TRIM67: variants seen among roughly 807,000 people sequenced by gnomAD.
TRIM67 encodes the protein tripartite motif containing 67.
A neutral mutation model predicts 71.0 loss-of-function variants in TRIM67; 39 were observed. That is an observed-to-expected ratio of 0.55 (90% CI 0.43 to 0.72). The LOEUF (loss-of-function observed/expected upper bound fraction) is 0.72. Among genes scored for constraint, TRIM67 ranks in the 30% least tolerant of loss-of-function variants. The pLI is 0.00. For synonymous variants in TRIM67, 481 were observed against 473.9 expected (o/e 1.01, Z -0.19); for missense variants, 973 against 1,079.2 (o/e 0.90, Z 1.38).
At position 231,209,228 on chromosome 1, in the gene TRIM67, C is replaced by A; in HGVS notation, c.2101C>A (p.His701Asn). The change falls in exon 8 of 10, where the codon CAC becomes AAC. Residue 701 changes from histidine to asparagine, a missense_variant. His to Asn is a moderately conservative substitution (Grantham distance 68). Coordinates refer to ENST00000366653, the MANE Select transcript of TRIM67 (RefSeq NM_001004342.5). This position sits in a 1 kb window ranked among gnomAD's most constrained non-coding sequence, Gnocchi z 4.1. ...GGACAACAACCGCAGCTGGTTCATG[C>A]ACTGCAACTCCCACACCAACAGGTG... is the stretch of plus-strand genomic sequence containing the variant. Reference protein sequence around the residue: ...YVDNNRSWFMHCNSHTNRTEG... With the variant: ...YVDNNRSWFMNCNSHTNRTEG... 6.4e-7 allele frequency: 1 copy of A among 1,563,508 alleles called. No homozygotes were observed. The highest frequency in any genetic ancestry group is 8.7e-7 in the Non-Finnish European group (1 of 1,149,372).
At position 231,216,345 on chromosome 1, in the gene TRIM67, A is replaced by T; in HGVS notation, c.*905A>T. The T allele has an allele frequency of 1.0e-6, 1 of 985,340 alleles. No individual in the cohort carries two copies. The highest frequency in any genetic ancestry group is 5.2e-4 in the Middle Eastern group (1 of 1,914). 61.0% of individuals were successfully genotyped at this position (985,340 alleles called of 1,614,324 possible). ...CCTAAAATTAATTCACTCAGTTCTTAGTTCTTAAATCCACGTGAAAACACA... is the reference window on the plus strand; with the variant it reads ...CCTAAAATTAATTCACTCAGTTCTTTGTTCTTAAATCCACGTGAAAACACA... On this transcript the variant is annotated 3_prime_UTR_variant, in exon 10 of 10. Transcript: ENST00000366653.
rs971169492 is a variant in TRIM67 at position 231,185,902 on chromosome 1, G to A, written c.1045-11469G>A. 5.3e-5 allele frequency among the ~76,000 whole-genome samples: 8 copies of A among 151,992 alleles called. No homozygotes were observed. In the East Asian group the frequency reaches 7.7e-4, roughly 15 times the overall value. ...TGGAAAAGGAGGATTTGAGTTGGAC[G>A]TGGGCAAGCTGAGCTAGGACTGGAG... On this transcript the variant is annotated intron_variant, in intron 1 of 9. Transcript: ENST00000366653.
intron 1 of TRIM67, among the ~76,000 whole-genome samples, chr1:231,173,730 CAGA>C (rs1682670334): frequency 6.6e-6 from 1 of 152,166 alleles, no homozygotes; most frequent in African/African-American, 2.4e-5. Flanking sequence ...GGGTAACCAT[CAGA>C]AGGATTTAAG....
Position 231,163,019 on chromosome 1 carries a change from C to T in TRIM67, c.50C>T (p.Pro17Leu). The T allele has an allele frequency of 6.2e-7, 1 of 1,612,826 alleles. No individual in the cohort carries two copies. Among genetic ancestry groups the T allele is most frequent in the Non-Finnish European group, 8.5e-7 (1 of 1,179,412 alleles). ...GTGTGCGGCTCTCTGTTTCGGGAGC[C>T]TATCATCCTGCCCTGTTCCCACAAT... Reference protein sequence around the residue: ...CPVCGSLFREPIILPCSHNVC... With the variant: ...CPVCGSLFRELIILPCSHNVC... Residue 17 changes from proline (P) to leucine (L), a missense_variant, in exon 1 of 10, where the codon CCT becomes CTT. By Grantham distance (98) the Pro-to-Leu change is moderately conservative (BLOSUM62 -3). Transcript: ENST00000366653.
Position 231,219,749 on chromosome 1 carries a change from T to C in TRIM67, c.*4309T>C. ...TATTGGCAAATATTCAAGATGGTGA[T>C]GCTGGAAAATTTCAGGACTTTTCTT... is the stretch of plus-strand genomic sequence containing the variant. On this transcript the variant is annotated 3_prime_UTR_variant, in exon 10 of 10. Transcript: ENST00000366653. 8.3e-7 allele frequency: 1 copy of C among 1,200,746 alleles called. No homozygotes were observed. Among genetic ancestry groups the C allele is most frequent in the South Asian group, 1.5e-5 (1 of 65,170 alleles). 74.4% of individuals were successfully genotyped at this position (1,200,746 alleles called of 1,614,324 possible). A position where few individuals can be genotyped will look rare whatever the true frequency, so the allele number is the denominator to read the frequency against.
intron 1 of TRIM67, among the ~76,000 whole-genome samples, chr1:231,182,938 C>A (rs969584301): frequency 2.0e-5 from 3 of 152,208 alleles, no homozygotes; most frequent in Non-Finnish European, 4.4e-5. Flanking sequence ...TTGACTTCAG[C>A]ATTAAGTTCT....
intron 1 of TRIM67, among the ~76,000 whole-genome samples, chr1:231,165,067 C>T (rs953834296): frequency 2.0e-5 from 3 of 152,154 alleles, no homozygotes; most frequent in African/African-American, 7.2e-5. Flanking sequence ...TCAACTGTGT[C>T]CAATTTTCAC....
At chr1:231,190,011 C>T (rs1398764299) in intron 1 of TRIM67, among the ~76,000 whole-genome samples, 3 of 152,186 alleles carry the variant, frequency 2.0e-5, no homozygotes, top group Non-Finnish European at 4.4e-5. Context: ...ACATTTTGGA[C>T]TTCTGACCTC....
At position 231,163,355 on chromosome 1, in the gene TRIM67, C is replaced by G; in HGVS notation, c.386C>G (p.Pro129Arg). 6.5e-7 allele frequency: 1 copy of G among 1,532,344 alleles called. No individual in the cohort carries two copies. The highest frequency in any genetic ancestry group is 1.2e-5 in the South Asian group (1 of 81,718). The allele number at this position is 1,532,344 out of a possible 1,614,324, so 94.9% of individuals were successfully genotyped here. ...TCCCCCAACGGGGTTCGCGTGCTGC[C>G]CATGGTGCCCGCACCACCCGGCTCC... The part of the protein sequence containing the change: ...LKSPNGVRVL[P>R]MVPAPPGSSA... Residue 129 changes from proline (P) to arginine (R), a missense_variant, in exon 1 of 10, where the codon CCC (proline) becomes CGC (arginine). Coordinates refer to ENST00000366653, the MANE Select transcript of TRIM67 (RefSeq NM_001004342.5).
chr1:231,217,722 C>A lies in TRIM67; in HGVS notation c.*2282C>A. 1 of 1,239,466 alleles carries A rather than the reference C, an allele frequency of 8.1e-7. No homozygotes were observed. The highest frequency in any genetic ancestry group is 1.0e-6 in the Non-Finnish European group (1 of 962,770). The allele number at this position is 1,239,466 out of a possible 1,614,324, so 76.8% of individuals were successfully genotyped here. On this transcript the variant is annotated 3_prime_UTR_variant, in exon 10 of 10. Transcript: ENST00000366653. ...TCCACCATCACCACAGCCCAGGTCA[C>A]CAGGTGGCCCCAGCTCTGCAGAAGA...
chr1:231,208,782 G>A (rs781309873), intron 7 of TRIM67, among the ~76,000 whole-genome samples, 165 bp from the exon 8 acceptor site: 17 of 152,186 alleles, frequency 1.1e-4, no homozygotes, highest in African/African-American at 2.7e-4. Context: ...ATGTGTGTAC[G>A]TTTGTGTGTG....
At chr1:231,174,274 T>C (rs529951557) in intron 1 of TRIM67, among the ~76,000 whole-genome samples, 2 of 151,086 alleles carry the variant, frequency 1.3e-5, no homozygotes, top group African/African-American at 4.8e-5. Flanking sequence ...TCCTCCTGCC[T>C]CAGCCTTCCA....
intron 1 of TRIM67, chr1:231,184,862 C>G (rs1411826164): frequency 3.0e-6 from 2 of 674,584 alleles, no homozygotes; most frequent in East Asian, 5.5e-5. Flanking sequence ...CCAATTCACA[C>G]GTGAGGACAC....
chr1:231,196,168 C>T (rs1333784857), intron 1 of TRIM67, among the ~76,000 whole-genome samples: 1 of 151,980 alleles, frequency 6.6e-6, no homozygotes, highest in Admixed American at 6.6e-5. Context: ...TGCACAAGGT[C>T]GTGAGGAAAG....
chr1:231,200,176 C>T lies in TRIM67; in HGVS notation c.1292C>T (p.Thr431Ile), dbSNP rs1380561048. The change falls in exon 4 of 10, where the codon ACA becomes ATA. Residue 431 changes from threonine (T) to isoleucine (I), a missense_variant. Around this residue, in one of 2 missense-constraint regions of TRIM67, gnomAD observed 795 missense variants for 831.3 expected, o/e 0.96. Coordinates refer to ENST00000366653, the MANE Select transcript of TRIM67 (RefSeq NM_001004342.5). ...GTTTGGGACCAGATCAATCACTGCACATTGAAGCTGCGTCAGTCCACCGGA... is the reference window on the plus strand; with the variant it reads ...GTTTGGGACCAGATCAATCACTGCATATTGAAGCTGCGTCAGTCCACCGGA... ...KMVWDQINHCTLKLRQSTGLM... is the reference protein window; with the variant it reads ...KMVWDQINHCILKLRQSTGLM... 2.5e-6 allele frequency: 4 copies of T among 1,613,764 alleles called. No homozygotes were observed. Among genetic ancestry groups the T allele is most frequent in the African/African-American group, 1.3e-5 (1 of 74,912 alleles).
chr1:231,206,894 G>A lies in TRIM67; in HGVS notation c.1819+104G>A. ...CTATGATGATGGGGTAGGGGTGGGG[G>A]GTGGTGCTGGGCACGGCTGGGTTCT... On this transcript the variant is annotated intron_variant, in intron 7 of 9. Transcript: ENST00000366653. 5 of 1,282,740 alleles carry A rather than the reference G, an allele frequency of 3.9e-6. No homozygotes were observed. In the South Asian group the frequency reaches 6.4e-5, roughly 17 times the overall value. The allele number at this position is 1,282,740 out of a possible 1,614,324, so 79.5% of individuals were successfully genotyped here. A position where few individuals can be genotyped will look rare whatever the true frequency, so the allele number is the denominator to read the frequency against.
chr1:231,192,391 GCTGGT>G (rs1683254894), intron 1 of TRIM67, among the ~76,000 whole-genome samples: 1 of 152,038 alleles, frequency 6.6e-6, no homozygotes, highest in Non-Finnish European at 1.5e-5. Flanking sequence ...TGTTGCCCAG[GCTGGT>G]CTCAAACTCC....
In TRIM67 at chr1:231,164,478, G is replaced by A. The variant is rs536352614; in HGVS notation, c.1044+465G>A. Among the ~76,000 whole-genome samples, 8 of 152,254 alleles carry A rather than the reference G, an allele frequency of 5.3e-5. No homozygotes were observed. In the East Asian group the frequency reaches 9.6e-4, roughly 18 times the overall value. On this transcript the variant is annotated intron_variant, in intron 1 of 9. Transcript: ENST00000366653. ...GAGAGGAGCCATCAAAATCTGGTTA[G>A]GTCCTTGATCAGACCCCAAGTCAAG...
intron 8 of TRIM67, 129 bp from the exon 9 acceptor site, chr1:231,213,686 G>C: frequency 8.9e-7 from 1 of 1,129,814 alleles, no homozygotes; most frequent in South Asian, 1.7e-5. Context: ...CACCGAGATG[G>C]CGTCACTGCA....
Sources: gnomAD v4.1 joint callset for allele counts (sites outside exome capture counted in the v4.1 genomes callset) on GRCh38, gnomAD v4.1.1 for gene constraint, gnomAD v4.1.1 regional missense constraint, Gnocchi (gnomAD v3.1) non-coding constraint, MANE v1.5 for transcripts, NCBI Gene and HGNC (gene_info 2026-07-23, HGNC 2026-07-21) for gene names.